Variants in CACNA2D4 observed in about 807,000 individuals in gnomAD.
CACNA2D4 encodes the protein calcium voltage-gated channel auxiliary subunit alpha2delta 4.
In CACNA2D4, 157 loss-of-function variants were observed where a neutral mutation model predicts 163.8. The ratio of observed to expected loss-of-function variants is 0.96; its 90% CI spans 0.84 to 1.09. The LOEUF (loss-of-function observed/expected upper bound fraction) is 1.09. Ranked by LOEUF, CACNA2D4 falls within the 50% of genes least tolerant of loss-of-function variation. The probability of loss-of-function intolerance (pLI) is 0.00; values close to 1 mark genes in which losing one functional copy is unlikely to be tolerated. For synonymous variants in CACNA2D4, 598 were observed against 586.9 expected, an observed-to-expected ratio of 1.02 and a Z score of -0.27; for missense variants, 1,410 against 1,479.9, an observed-to-expected ratio of 0.95 and a Z score of 0.78.
intron 18 of CACNA2D4, among the ~76,000 whole-genome samples, chr12:1,868,900 C>T (rs1485973945): frequency 2.6e-5 from 4 of 152,102 alleles, no homozygotes; most frequent in Non-Finnish European, 5.9e-5. Flanking sequence ...AGCAATTACA[C>T]TGTATTAGGT....
Position 1,885,076 on chromosome 12 carries a change from G to T in CACNA2D4, c.1069C>A (p.His357Asn). 6.2e-7 allele frequency: 1 copy of T among 1,612,950 alleles called. No homozygotes were observed. Among genetic ancestry groups the T allele is most frequent in the Non-Finnish European group, 8.5e-7 (1 of 1,179,002 alleles). ...AACTCCTCCACCAGCAGTTTGAAAT[G>T]CTGCCATGGGTGAGATATTAGAGAA... The part of the protein sequence containing the change: ...LVQADRDNRE[H>N]FKLLVEELMV... Residue 357 changes from histidine to asparagine, a missense_variant and splice_region_variant, in exon 10 of 38, where the codon CAT (histidine) becomes AAT (asparagine). By Grantham distance (68) the His-to-Asn change is moderately conservative. Coordinates refer to ENST00000382722, the MANE Select transcript of CACNA2D4 (RefSeq NM_172364.5).
Position 1,882,848 on chromosome 12 carries a change from G to T in CACNA2D4, c.1485+19C>A. The T allele has an allele frequency of 6.2e-7, 1 of 1,613,152 alleles. No individual in the cohort carries two copies. Among genetic ancestry groups the T allele is most frequent in the Non-Finnish European group, 8.5e-7 (1 of 1,179,486 alleles). ...CTCTGAGGTGGGCTTCTCGAGCTGGGAGCTGCTGCCAGGCTCACCTTGCTG... is the reference window on the plus strand; with the variant it reads ...CTCTGAGGTGGGCTTCTCGAGCTGGTAGCTGCTGCCAGGCTCACCTTGCTG... On this transcript the variant is annotated intron_variant, in intron 13 of 37. Coordinates refer to ENST00000382722, the MANE Select transcript of CACNA2D4 (RefSeq NM_172364.5).
At position 1,874,719 on chromosome 12, in the gene CACNA2D4, G is replaced by A. The variant is rs1021415255; in HGVS notation, c.1807-44C>T. On this transcript the variant is annotated intron_variant, in intron 17 of 37. Transcript: ENST00000382722. This position sits in a 1 kb window ranked among gnomAD's most constrained non-coding sequence, Gnocchi z 4.4. ...TGGCATTAGTTCCTTGGCTCACAGG[G>A]GATGGTGAAAGTATGGCATTCTTCA... 1.4e-6 allele frequency: 2 copies of A among 1,401,876 alleles called. No homozygotes were observed. Among genetic ancestry groups the A allele is most frequent in the Non-Finnish European group, 2.0e-6 (2 of 987,766 alleles). 86.8% of individuals were successfully genotyped at this position (1,401,876 alleles called of 1,614,324 possible). A position where few individuals can be genotyped will look rare whatever the true frequency, so the allele number is the denominator to read the frequency against.
intron 23 of CACNA2D4, among the ~76,000 whole-genome samples, chr12:1,847,825 T>C (rs1361304132): frequency 1.3e-5 from 2 of 151,708 alleles, no homozygotes; most frequent in Non-Finnish European, 2.9e-5. Context: ...AGATATTTCA[T>C]GGGTAAATAT....
chr12:1,847,460 TGTGTCTGTGGGTGGTACCC>T (rs1460123903), intron 23 of CACNA2D4, among the ~76,000 whole-genome samples: 1 of 152,208 alleles, frequency 6.6e-6, no homozygotes, highest in Non-Finnish European at 1.5e-5. Flanking sequence ...TGGATAGACC[TGTGTCTGTGGGTGGTACCC>T]GGGACTGTAG....
At position 1,799,641 on chromosome 12, in the gene CACNA2D4, C is replaced by T. The variant is rs1358377448; in HGVS notation, c.2995+34G>A. 7.7e-6 allele frequency: 12 copies of T among 1,559,684 alleles called. No homozygotes were observed. Among genetic ancestry groups the T allele is most frequent in the Middle Eastern group, 1.7e-4 (1 of 5,996 alleles). ...AGCTCCTGCTGCGTCCCCAACCCAC[C>T]GCCAGCAGGGATGGCCTCAGCTGGG... is the stretch of plus-strand genomic sequence containing the variant. On this transcript the variant is annotated intron_variant, in intron 34 of 37. Transcript: ENST00000382722. The surrounding 1 kb of genome is among the most constrained non-coding windows in gnomAD (Gnocchi z 4.7).
intron 23 of CACNA2D4, among the ~76,000 whole-genome samples, chr12:1,847,554 G>T (rs533470647): frequency 6.6e-6 from 1 of 152,174 alleles, no homozygotes. Context: ...TAGCCAGGGG[G>T]CTTGTACAGG....
Position 1,834,943 on chromosome 12 carries a change from T to C in CACNA2D4, c.2551+5796A>G, listed in dbSNP as rs1049896733. On this transcript the variant is annotated intron_variant, in intron 26 of 37. Transcript: ENST00000382722. The surrounding 1 kb of genome is among the most constrained non-coding windows in gnomAD (Gnocchi z 7.6). ...CTGCTGATGCTCCTGTCTGGGCCAG[T>C]AAATCTTTGGAACATGTGGGGGATC... 1.3e-6 allele frequency: 1 copy of C among 799,296 alleles called. No homozygotes were observed. Among genetic ancestry groups the C allele is most frequent in the Non-Finnish European group, 1.9e-6 (1 of 531,520 alleles). The allele number at this position is 799,296 out of a possible 1,614,324, so 49.5% of individuals were successfully genotyped here. A position where few individuals can be genotyped will look rare whatever the true frequency, so the allele number is the denominator to read the frequency against.
At position 1,918,321 on chromosome 12, in the gene CACNA2D4, C is replaced by T. The variant is rs893406669; in HGVS notation, c.153G>A (p.Ser51=). ...PVAWAFVQKT[S]ALLWLLLLGT... is the part of the protein sequence containing the mutation. ...CTAGAAGCAGCAGCCACAGGAGGGCCGAGGTCTTCTGCACAAAGGCCCAGG... is the reference window on the plus strand; with the variant it reads ...CTAGAAGCAGCAGCCACAGGAGGGCTGAGGTCTTCTGCACAAAGGCCCAGG... Residue 51 remains serine, a synonymous_variant, in exon 1 of 38, where the codon TCG becomes TCA. Transcript: ENST00000382722. 24 of 1,609,668 alleles carry T rather than the reference C, an allele frequency of 1.5e-5. No individual in the cohort carries two copies. The highest frequency in any genetic ancestry group is 2.2e-5 in the South Asian group (2 of 90,220).
intron 26 of CACNA2D4, among the ~76,000 whole-genome samples, chr12:1,817,161 C>A (rs989889335): frequency 6.6e-6 from 1 of 152,188 alleles, no homozygotes; most frequent in African/African-American, 2.4e-5. Flanking sequence ...AGGTGCACAG[C>A]GAATACTTAG....
Position 1,852,579 on chromosome 12 carries a change from A to AT in CACNA2D4, c.2246+1371dup, listed in dbSNP as rs553455546. Among the ~76,000 whole-genome samples, 200 of 152,116 alleles carry AT rather than the reference A, an allele frequency of 1.3e-3. 1 individual carries two copies. Among genetic ancestry groups the AT allele is most frequent in the African/African-American group, 4.2e-3 (175 of 41,500 alleles). On this transcript the variant is annotated intron_variant, in intron 23 of 37. Coordinates refer to ENST00000382722, the MANE Select transcript of CACNA2D4 (RefSeq NM_172364.5). ...TCTATATCTTTGGAGATGGTTATGTATTTTTTTCTCCTTAACTGTATGCTA... is the reference window on the plus strand; with the variant it reads ...TCTATATCTTTGGAGATGGTTATGTATTTTTTTTCTCCTTAACTGTATGCTA...
chr12:1,904,605 G>A (rs1866611981), intron 6 of CACNA2D4, among the ~76,000 whole-genome samples: 1 of 152,038 alleles, frequency 6.6e-6, no homozygotes, highest in Non-Finnish European at 1.5e-5. Flanking sequence ...AACAACCAAA[G>A]TGGGTAGATA....
At chr12:1,837,165 C>A (rs567671742) in intron 26 of CACNA2D4, among the ~76,000 whole-genome samples, 1 of 152,254 alleles carries the variant, frequency 6.6e-6, no homozygotes, top group Non-Finnish European at 1.5e-5. Context: ...TCGGCCCTGG[C>A]AGCCAGGACA....
intron 16 of CACNA2D4, among the ~76,000 whole-genome samples, chr12:1,877,633 G>A (rs1865909110): frequency 6.6e-6 from 1 of 152,174 alleles, no homozygotes; most frequent in African/African-American, 2.4e-5. Flanking sequence ...GTGCTCTGCT[G>A]TCTGTCCTCT....
chr12:1,913,148 G>C lies in CACNA2D4; in HGVS notation c.310-9C>G, dbSNP rs1347330269. Reference sequence around the variant, plus strand: ...TCCACATCCTTGTACTTCTGTTTGGGGAAAGTGGGAGAGATGCGTGCATGT... The same window carrying C: ...TCCACATCCTTGTACTTCTGTTTGGCGAAAGTGGGAGAGATGCGTGCATGT... On this transcript the variant is annotated splice_polypyrimidine_tract_variant and intron_variant, in intron 2 of 37. Transcript: ENST00000382722. The C allele has an allele frequency of 6.3e-7, 1 of 1,590,190 alleles. No homozygotes were observed. The highest frequency in any genetic ancestry group is 1.1e-5 in the South Asian group (1 of 90,558).
At chr12:1,904,231 G>A (rs532164851) in intron 6 of CACNA2D4, among the ~76,000 whole-genome samples, 4 of 152,048 alleles carry the variant, frequency 2.6e-5, no homozygotes, top group East Asian at 1.9e-4. Flanking sequence ...GAAGGGTAGC[G>A]ATGGGGTTGG....
chr12:1,868,950 G>A, intron 18 of CACNA2D4, among the ~76,000 whole-genome samples: 1 of 152,002 alleles, frequency 6.6e-6, no homozygotes, highest in East Asian at 1.9e-4. Context: ...TATTAGGGAA[G>A]ACTGTGTAGA....
At chr12:1,900,271 G>A (rs759442784) in intron 6 of CACNA2D4, among the ~76,000 whole-genome samples, 3 of 152,112 alleles carry the variant, frequency 2.0e-5, no homozygotes, top group Non-Finnish European at 2.9e-5. Context: ...CACCACAGGT[G>A]CACACCACCA....
intron 26 of CACNA2D4, among the ~76,000 whole-genome samples, chr12:1,826,149 C>G (rs940259756): frequency 6.6e-6 from 1 of 152,138 alleles, no homozygotes; most frequent in South Asian, 2.1e-4. Context: ...CACCCCTCTC[C>G]TCTGGAGGGA....
Sources: allele counts gnomAD v4.1 joint callset (sites outside exome capture counted in the v4.1 genomes callset), GRCh38; gene constraint gnomAD v4.1.1; non-coding constraint Gnocchi (gnomAD v3.1); transcripts MANE v1.5; gene names NCBI Gene and HGNC (gene_info 2026-07-23, HGNC 2026-07-21).